Variants in PRSS3 observed in about 807,000 individuals in gnomAD.
PRSS3 encodes the protein serine protease 3.
A neutral mutation model predicts 20.8 loss-of-function variants in PRSS3; 14 were observed. That is an observed-to-expected ratio of 0.67 (90% confidence interval 0.44 to 1.05). The LOEUF (loss-of-function observed/expected upper bound fraction) is 1.05. Ranked by LOEUF, PRSS3 falls within the 50% of genes least tolerant of loss-of-function variation. The probability of loss-of-function intolerance (pLI) is 0.00; values close to 1 mark genes in which losing one functional copy is unlikely to be tolerated. For synonymous variants in PRSS3, 91 were observed against 117.6 expected, an observed-to-expected ratio of 0.77 and a Z score of 1.46; for missense variants, 237 against 306.4, an observed-to-expected ratio of 0.77 and a Z score of 1.69.
intron 1 of PRSS3, among the ~76,000 whole-genome samples, chr9:33,769,580 T>TACAG (rs1382099381): frequency 6.6e-6 from 1 of 152,222 alleles, no homozygotes; most frequent in African/African-American, 2.4e-5. Flanking sequence ...GACCAGCCAG[T>TACAG]ACAGCGATAT....
At chr9:33,762,819 C>A (rs1446418321) in intron 1 of PRSS3, among the ~76,000 whole-genome samples, 1 of 152,194 alleles carries the variant, frequency 6.6e-6, no homozygotes, top group African/African-American at 2.4e-5. Flanking sequence ...AAAATATATT[C>A]TTCCAGGAGA....
intron 4 of PRSS3, 195 bp from the exon 5 acceptor site, chr9:33,798,833 G>A: frequency 9.6e-7 from 1 of 1,038,554 alleles, no homozygotes; most frequent in Non-Finnish European, 1.4e-6. Flanking sequence ...TCCCTGCAGT[G>A]CCCCCATTGG....
upstream of PRSS3, chr9:33,795,493 C>T: frequency 3.2e-6 from 5 of 1,575,846 alleles, no homozygotes; most frequent in Middle Eastern, 1.7e-4. Flanking sequence ...GTGACCCTCA[C>T]CTCACAGACA....
At chr9:33,774,152 A>T (rs979706439) in intron 1 of PRSS3, among the ~76,000 whole-genome samples, 11 of 152,148 alleles carry the variant, frequency 7.2e-5, no homozygotes, top group African/African-American at 2.4e-4. Context: ...AATTATTTAG[A>T]AGTCCAAATT....
upstream of PRSS3, among the ~76,000 whole-genome samples, chr9:33,791,006 T>C (rs1414978912): frequency 2.0e-5 from 3 of 152,272 alleles, no homozygotes; most frequent in African/African-American, 7.2e-5. Context: ...TTATATTTTT[T>C]ATTCTTGTTT....
chr9:33,786,634 G>A (rs967412201), intron 1 of PRSS3: 1 of 766,418 alleles, frequency 1.3e-6, no homozygotes, highest in Non-Finnish European at 2.4e-6. Context: ...TCACCATGAT[G>A]TTCTGGTACT....
chr9:33,799,145 G>T lies in PRSS3; in HGVS notation c.709G>T (p.Asp237Tyr), dbSNP rs767808480. 6.2e-7 allele frequency: 1 copy of T among 1,614,182 alleles called. No individual in the cohort carries two copies. The highest frequency in any genetic ancestry group is 1.1e-5 in the South Asian group (1 of 91,086). ...CTACACCAAGGTCTACAACTATGTG[G>T]ACTGGATTAAGGACACCATCGCTGC... ...GVYTKVYNYV[D>Y]WIKDTIAANS Residue 237 changes from aspartate (D) to tyrosine (Y), a missense_variant, in exon 5 of 5, where the codon GAC becomes TAC. Physicochemically the swap from Asp to Tyr is radical, Grantham distance 160. Coordinates refer to ENST00000379405, the MANE Select transcript of PRSS3 (RefSeq NM_002771.4).
chr9:33,757,110 T>C (rs1822983991), intron 1 of PRSS3, among the ~76,000 whole-genome samples: 2 of 152,256 alleles, frequency 1.3e-5, no homozygotes, highest in Admixed American at 1.3e-4. Context: ...TAGATGTATT[T>C]ATTATGTCAT....
chr9:33,767,082 G>A (rs1220371128), intron 1 of PRSS3, among the ~76,000 whole-genome samples: 1 of 152,010 alleles, frequency 6.6e-6, no homozygotes, highest in Non-Finnish European at 1.5e-5. Flanking sequence ...ACTTAGTAAA[G>A]TTGTTGAAAT....
intron 1 of PRSS3, among the ~76,000 whole-genome samples, chr9:33,775,304 A>T (rs1167974529): frequency 6.6e-6 from 1 of 152,192 alleles, no homozygotes; most frequent in Non-Finnish European, 1.5e-5. Context: ...GCTGACCATG[A>T]AAACTAGTAG....
intron 1 of PRSS3, among the ~76,000 whole-genome samples, chr9:33,755,430 G>A (rs1374005991): frequency 6.6e-5 from 10 of 151,892 alleles, no homozygotes; most frequent in Non-Finnish European, 1.2e-4. Flanking sequence ...ATGCAAATAC[G>A]GGCCATTTCT....
At chr9:33,751,280 T>C (rs543728507) in intron 1 of PRSS3, among the ~76,000 whole-genome samples, 3 of 152,318 alleles carry the variant, frequency 2.0e-5, no homozygotes, top group Admixed American at 1.3e-4. Flanking sequence ...CCAGATCCTT[T>C]CCTGAGGCCA....
At chr9:33,764,940 C>A (rs1196782220) in intron 1 of PRSS3, among the ~76,000 whole-genome samples, 1 of 152,134 alleles carries the variant, frequency 6.6e-6, no homozygotes, top group Non-Finnish European at 1.5e-5. Flanking sequence ...GGAAACAAAA[C>A]AACAAAATAC....
chr9:33,750,770 G>A lies in PRSS3; in HGVS notation c.-53+43G>A, dbSNP rs1822650839. 5.6e-6 allele frequency: 8 copies of A among 1,417,036 alleles called. No individual in the cohort carries two copies. The highest frequency in any genetic ancestry group is 7.3e-6 in the Non-Finnish European group (8 of 1,090,184). 87.8% of individuals were successfully genotyped at this position (1,417,036 alleles called of 1,614,324 possible). A position where few individuals can be genotyped will look rare whatever the true frequency, so the allele number is the denominator to read the frequency against. ...GCAGGGGGCTTGAAACTGGAGGAGG[G>A]CTCGAAGGGAGAGGGAGCCCCGCCA... On this transcript the variant is annotated intron_variant, in intron 1 of 5. Transcript: ENST00000342836. The surrounding 1 kb of genome is among the most constrained non-coding windows in gnomAD (Gnocchi z 4.8).
At chr9:33,767,765 C>G (rs923564304) in intron 1 of PRSS3, among the ~76,000 whole-genome samples, 2 of 152,082 alleles carry the variant, frequency 1.3e-5, no homozygotes, top group Admixed American at 6.5e-5. Flanking sequence ...GCAGAGGTTG[C>G]AGTGAGCCAA....
chr9:33,756,865 C>T (rs1490841363), intron 1 of PRSS3, among the ~76,000 whole-genome samples: 1 of 152,166 alleles, frequency 6.6e-6, no homozygotes, highest in African/African-American at 2.4e-5. Context: ...TTTAATGTTG[C>T]TTTTGGCCTG....
intron 1 of PRSS3, among the ~76,000 whole-genome samples, chr9:33,771,631 T>TTTG (rs1823699808): frequency 1.7e-5 from 2 of 120,242 alleles, no homozygotes; most frequent in African/African-American, 3.3e-5. Context: ...TGGGTTTTGT[T>TTTG]TTTTTGTTTT....
chr9:33,758,340 AG>A (rs1823044671), intron 1 of PRSS3, among the ~76,000 whole-genome samples: 1 of 152,226 alleles, frequency 6.6e-6, no homozygotes, highest in Non-Finnish European at 1.5e-5. Flanking sequence ...TTACTGAGAT[AG>A]CTCCTGCTCT....
chr9:33,757,435 C>G (rs752308067), intron 1 of PRSS3, among the ~76,000 whole-genome samples: 3 of 151,770 alleles, frequency 2.0e-5, no homozygotes, highest in Non-Finnish European at 4.4e-5. Context: ...TTCCCTTGTA[C>G]AGCCCCACAG....
Sources: allele counts gnomAD v4.1 joint callset (sites outside exome capture counted in the v4.1 genomes callset), GRCh38; gene constraint gnomAD v4.1.1; non-coding constraint Gnocchi (gnomAD v3.1); transcripts MANE v1.5; gene names NCBI Gene and HGNC (gene_info 2026-07-23, HGNC 2026-07-21).